Variants in FLNB observed in about 807,000 individuals in gnomAD.
FLNB encodes the protein filamin B.
FLNB carries 111 observed loss-of-function variants against 250.6 expected under a neutral mutation model. The observed-to-expected ratio is 0.44, with a 90% CI of 0.38 to 0.52. FLNB has a LOEUF of 0.52. FLNB is among the 20% of genes least tolerant of loss of function. FLNB has a pLI of 0.00. For synonymous variants in FLNB, 1,302 were observed against 1,372.1 expected, an observed-to-expected ratio of 0.95 and a Z score of 1.13; for missense variants, 2,869 against 3,447.8, an observed-to-expected ratio of 0.83 and a Z score of 4.20.
intron 4 of FLNB, among the ~76,000 whole-genome samples, chr3:58,090,296 A>G (rs1393186322): frequency 6.6e-6 from 1 of 152,174 alleles, no homozygotes; most frequent in Non-Finnish European, 1.5e-5. Context: ...CGTCTCCTAT[A>G]ATAACAATGC....
rs147488601 is a variant in FLNB at position 58,152,844 on chromosome 3, G to A, written c.6368-531G>A. 8.4e-5 allele frequency: 72 copies of A among 854,008 alleles called. No homozygotes were observed. In the East Asian group the frequency reaches 2.5e-3, roughly 30 times the overall value. The allele number at this position is 854,008 out of a possible 1,614,324, so 52.9% of individuals were successfully genotyped here. ...TCACCACGGCAGTGCAGGCACAGTCGTTGGCATGACGTGAGCAGCTCACGG... is the reference window on the plus strand; with the variant it reads ...TCACCACGGCAGTGCAGGCACAGTCATTGGCATGACGTGAGCAGCTCACGG... On this transcript the variant is annotated intron_variant, in intron 38 of 45. Coordinates refer to ENST00000295956, the MANE Select transcript of FLNB (RefSeq NM_001457.4).
chr3:58,014,262 G>A (rs1194232007), intron 1 of FLNB, among the ~76,000 whole-genome samples: 1 of 152,154 alleles, frequency 6.6e-6, no homozygotes, highest in Non-Finnish European at 1.5e-5. Flanking sequence ...GCTAAAATAC[G>A]GCTATGGACT....
chr3:58,149,519 G>A, intron 36 of FLNB: 2 of 395,750 alleles, frequency 5.1e-6, no homozygotes, highest in Non-Finnish European at 9.4e-6. Flanking sequence ...AAACCCCCAA[G>A]GTGGTACGTG....
chr3:58,169,811 T>C lies in FLNB; in HGVS notation c.7621+18T>C. The C allele has an allele frequency of 6.3e-7, 1 of 1,579,464 alleles. No individual in the cohort carries two copies. The highest frequency in any genetic ancestry group is 8.7e-7 in the Non-Finnish European group (1 of 1,152,696). On this transcript the variant is annotated intron_variant, in intron 45 of 45. Coordinates refer to ENST00000295956, the MANE Select transcript of FLNB (RefSeq NM_001457.4). The surrounding 1 kb of genome is among the most constrained non-coding windows in gnomAD (Gnocchi z 4.8). ...CAAAGCTGGTAGGTGTCTGGGCCTT[T>C]TCAAGGGTGGGGTGGGGCAGGGGCA...
intron 3 of FLNB, 140 bp downstream of exon 3, chr3:58,078,954 C>G (rs1043981126): frequency 3.6e-5 from 24 of 675,294 alleles, no homozygotes; most frequent in Non-Finnish European, 1.1e-5. Flanking sequence ...TCTCATCTTC[C>G]TCAGTTTACC....
At chr3:58,085,045 G>C (rs551457153) in intron 4 of FLNB, among the ~76,000 whole-genome samples, 16 of 152,182 alleles carry the variant, frequency 1.1e-4, no homozygotes, top group African/African-American at 3.6e-4. Context: ...TCCTTTGTAC[G>C]TGTATATCAC....
At chr3:58,110,239 G>A (rs1559700158) in intron 16 of FLNB, 69 bp downstream of exon 16, 1 of 1,475,858 alleles carries the variant, frequency 6.8e-7, no homozygotes. Flanking sequence ...TTGTGTGCAT[G>A]TCTCATCTAC....
Position 58,156,015 on chromosome 3 carries a change from C to G in FLNB, c.6828C>G (p.Tyr2276Ter). 1 of 1,614,164 alleles carries G rather than the reference C, an allele frequency of 6.2e-7. No homozygotes were observed. The highest frequency in any genetic ancestry group is 2.2e-5 in the East Asian group (1 of 44,894). The change falls in exon 41 of 46, where the codon TAC becomes TAG. Residue 2276 changes from tyrosine (Y) to a stop codon, truncating the protein, a stop_gained. Transcript: ENST00000295956. LOFTEE classifies it high-confidence loss of function. ...FNDEHIPESP[Y>*]LVPVIAPSDD... Reference sequence around the variant, plus strand: ...ATGAGCACATCCCGGAAAGCCCCTACCTGGTGCCGGTCATCGCACCCTCCG... The same window carrying G: ...ATGAGCACATCCCGGAAAGCCCCTAGCTGGTGCCGGTCATCGCACCCTCCG...
At chr3:58,086,241 TCCC>T (rs2097217202) in intron 4 of FLNB, among the ~76,000 whole-genome samples, 1 of 150,814 alleles carries the variant, frequency 6.6e-6, no homozygotes, top group Non-Finnish European at 1.5e-5. Context: ...GCTCAAGCAA[TCCC>T]CCTGCCTTGG....
chr3:58,074,825 C>A (rs1256123619), intron 1 of FLNB, among the ~76,000 whole-genome samples: 3 of 152,120 alleles, frequency 2.0e-5, no homozygotes, highest in African/African-American at 7.2e-5. Context: ...TCCTTGGGAA[C>A]CTTAACTTTG....
intron 18 of FLNB, 68 bp downstream of exon 18, chr3:58,112,386 G>A: frequency 1.3e-6 from 2 of 1,501,368 alleles, no homozygotes; most frequent in Non-Finnish European, 1.9e-6. Flanking sequence ...TCGGTGCTGG[G>A]TCACTGTGGA....
At chr3:58,162,389 C>T (rs151325051) in intron 42 of FLNB, among the ~76,000 whole-genome samples, 85 of 152,258 alleles carry the variant, frequency 5.6e-4, no homozygotes, top group African/African-American at 1.8e-3. Flanking sequence ...AACAGATTAC[C>T]TTGCTACATG....
At chr3:58,170,403 G>A (rs1575487135) in intron 45 of FLNB, 172 bp from the exon 46 acceptor site, 5 of 645,026 alleles carry the variant, frequency 7.8e-6, no homozygotes, top group African/African-American at 3.6e-5. Flanking sequence ...GCAGGGATTC[G>A]AACCCACACC....
At chr3:58,076,949 C>G in intron 1 of FLNB, 97 bp from the exon 2 acceptor site, 1 of 1,376,442 alleles carries the variant, frequency 7.3e-7, no homozygotes, top group African/African-American at 1.4e-5. Flanking sequence ...CAGTATGGTT[C>G]TCTAATAGTT....
rs532404463 is a variant in FLNB, at chr3:58,021,348, C to T, written c.292+12492C>T. 1.1e-4 allele frequency among the ~76,000 whole-genome samples: 16 copies of T among 152,256 alleles called. 1 individual carries two copies. The South Asian group carries it at 2.9e-3, about 28-fold the overall frequency. ...GTAGTGCTATCAGTTGAGCAGAGTT[C>T]AGGGTTCTGTTTACAAGATTCCCTC... is the stretch of plus-strand genomic sequence containing the variant. On this transcript the variant is annotated intron_variant, in intron 1 of 45. Transcript: ENST00000295956.
chr3:58,020,058 T>TGG (rs67625378), intron 1 of FLNB, among the ~76,000 whole-genome samples: 1 of 142,700 alleles, frequency 7.0e-6, no homozygotes, highest in Non-Finnish European at 1.5e-5. Context: ...GGTGTGTGTG[T>TGG]GTGTGTGTGT....
chr3:58,166,867 T>C (rs2097371567), intron 43 of FLNB, among the ~76,000 whole-genome samples: 1 of 151,016 alleles, frequency 6.6e-6, no homozygotes, highest in African/African-American at 2.4e-5. Flanking sequence ...GGCTCATGCC[T>C]GTAATCCTAG....
chr3:58,008,671 G>T lies in FLNB; in HGVS notation c.107G>T (p.Arg36Leu), dbSNP rs142568031. ...CNEHLKCVNK[R>L]IGNLQTDLSD... Reference sequence around the variant, plus strand: ...GAGCACCTCAAGTGCGTGAACAAACGCATCGGCAACCTGCAGACCGACCTG... The same window carrying T: ...GAGCACCTCAAGTGCGTGAACAAACTCATCGGCAACCTGCAGACCGACCTG... Residue 36 changes from arginine to leucine, a missense_variant, in exon 1 of 46, where the codon CGC becomes CTC. Around this residue, in one of 5 missense-constraint regions of FLNB, gnomAD observed 308 missense variants for 466.1 expected, o/e 0.66. Coordinates refer to ENST00000295956, the MANE Select transcript of FLNB (RefSeq NM_001457.4). 13 of 1,614,156 alleles carry T rather than the reference G, an allele frequency of 8.1e-6. No homozygotes were observed. The Admixed American group carries it at 1.3e-4, about 17-fold the overall frequency.
Position 58,148,188 on chromosome 3 carries a change from T to A in FLNB, c.5729-18T>A. 2.5e-6 allele frequency: 4 copies of A among 1,614,190 alleles called. No individual in the cohort carries two copies. Among genetic ancestry groups the A allele is most frequent in the Non-Finnish European group, 3.4e-6 (4 of 1,180,010 alleles). ...TAACCACATGTAACGGGAGTCCTTTTTGGGGGATGTTTCCCAGATGACAGC... is the reference window on the plus strand; with the variant it reads ...TAACCACATGTAACGGGAGTCCTTTATGGGGGATGTTTCCCAGATGACAGC... On this transcript the variant is annotated intron_variant, in intron 34 of 45. Transcript: ENST00000295956.
Sources: allele counts gnomAD v4.1 joint callset (sites outside exome capture counted in the v4.1 genomes callset), GRCh38; gene constraint gnomAD v4.1.1; regional missense constraint gnomAD v4.1.1; non-coding constraint Gnocchi (gnomAD v3.1); transcripts MANE v1.5; gene names NCBI Gene and HGNC (gene_info 2026-07-23, HGNC 2026-07-21).